ESRRG: variants seen among roughly 807,000 people sequenced by gnomAD.
ESRRG encodes estrogen-related receptor gamma.
ESRRG carries 13 observed loss-of-function variants against 44.0 expected under a neutral mutation model. The ratio of observed to expected loss-of-function variants is 0.30; its 90% CI spans 0.19 to 0.47. The LOEUF is 0.47. Ranked by LOEUF, ESRRG falls within the 20% of genes least tolerant of loss-of-function variation. The pLI is 1.00. For synonymous variants in ESRRG, 215 were observed against 214.6 expected, an observed-to-expected ratio of 1.00 and a Z score of -0.02; for missense variants, 395 against 580.6, an observed-to-expected ratio of 0.68 and a Z score of 3.29.
At chr1:217,066,484 A>T (rs1482465253) in intron 1 of ESRRG, among the ~76,000 whole-genome samples, 1 of 151,116 alleles carries the variant, frequency 6.6e-6, no homozygotes, top group African/African-American at 2.4e-5. Flanking sequence ...CTCGTGATCC[A>T]CCTGCCTCGG....
intron 1 of ESRRG, among the ~76,000 whole-genome samples, chr1:217,008,723 G>A (rs564289643): frequency 2.9e-4 from 44 of 152,306 alleles, no homozygotes; most frequent in South Asian, 8.3e-4. Context: ...AGGGACAGTG[G>A]CTCTTGATAT....
intron 1 of ESRRG, among the ~76,000 whole-genome samples, chr1:216,709,251 A>G (rs1217425859): frequency 6.6e-6 from 1 of 152,056 alleles, no homozygotes; most frequent in African/African-American, 2.4e-5. Flanking sequence ...CAATACATAT[A>G]CATGCAAAAA....
intron 1 of ESRRG, among the ~76,000 whole-genome samples, chr1:216,967,789 T>C (rs868048889): frequency 1.1e-4 from 17 of 152,292 alleles, no homozygotes; most frequent in African/African-American, 4.1e-4. Context: ...TAAGAGTGTG[T>C]TTAGTTTTGT....
At chr1:216,518,803 A>G (rs1385859555) in intron 6 of ESRRG, among the ~76,000 whole-genome samples, 2 of 152,196 alleles carry the variant, frequency 1.3e-5, no homozygotes, top group Non-Finnish European at 2.9e-5. Context: ...TGTATCAACA[A>G]TTCCCTTGTT....
In ESRRG at chr1:216,745,895, T is replaced by C. The variant is rs148045213; in HGVS notation, c.-13-68404A>G. ...TCATTCTGTAAATTGTAAAAAAGTATACAAATGTAATGTGGTGTTATTATT... is the reference window on the plus strand; with the variant it reads ...TCATTCTGTAAATTGTAAAAAAGTACACAAATGTAATGTGGTGTTATTATT... On this transcript the variant is annotated intron_variant, in intron 2 of 7. Coordinates refer to the ESRRG transcript ENST00000359162. Among the ~76,000 whole-genome samples the C allele has an allele frequency of 9.6e-4, 147 of 152,370 alleles. 1 individual carries two copies. Among genetic ancestry groups the C allele is most frequent in the African/African-American group, 3.2e-3 (132 of 41,592 alleles).
At chr1:216,722,204 C>A (rs2086489517) in intron 1 of ESRRG, among the ~76,000 whole-genome samples, 1 of 152,098 alleles carries the variant, frequency 6.6e-6, no homozygotes, top group Non-Finnish European at 1.5e-5. Context: ...AAATGTTTGC[C>A]AAGGGCACTC....
chr1:216,528,387 CTTATAT>C (rs1400889221), intron 5 of ESRRG, among the ~76,000 whole-genome samples: 1 of 152,138 alleles, frequency 6.6e-6, no homozygotes, highest in South Asian at 2.1e-4. Flanking sequence ...AGCTGCTTCT[CTTATAT>C]TTATAAGTAA....
intron 2 of ESRRG, among the ~76,000 whole-genome samples, chr1:216,861,484 T>C (rs1177281457): frequency 1.3e-5 from 2 of 152,072 alleles, no homozygotes; most frequent in African/African-American, 2.4e-5. Context: ...CTGCATCTCA[T>C]GTGTAATTAT....
intron 2 of ESRRG, among the ~76,000 whole-genome samples, chr1:216,759,271 C>T (rs1387366710): frequency 6.6e-6 from 1 of 152,118 alleles, no homozygotes; most frequent in Non-Finnish European, 1.5e-5. Context: ...TGCTCAGGCT[C>T]AGATAGCAAA....
At chr1:216,951,446 C>T (rs2066929901) in intron 1 of ESRRG, among the ~76,000 whole-genome samples, 1 of 152,108 alleles carries the variant, frequency 6.6e-6, no homozygotes, top group South Asian at 2.1e-4. Flanking sequence ...CATTTTTAAG[C>T]TGTCACTCAA....
chr1:216,746,421 A>C (rs1177120105), intron 2 of ESRRG, among the ~76,000 whole-genome samples: 1 of 152,172 alleles, frequency 6.6e-6, no homozygotes, highest in Admixed American at 6.6e-5. Context: ...GAAAAATATT[A>C]ATTTAATATA....
chr1:216,653,330 C>T (rs528531248), intron 2 of ESRRG, among the ~76,000 whole-genome samples: 1 of 152,174 alleles, frequency 6.6e-6, no homozygotes, highest in Non-Finnish European at 1.5e-5. Flanking sequence ...TGGCATACCG[C>T]TGTCATCTTC....
chr1:217,028,350 G>T (rs1338873355), intron 1 of ESRRG, among the ~76,000 whole-genome samples: 1 of 152,186 alleles, frequency 6.6e-6, no homozygotes, highest in Non-Finnish European at 1.5e-5. Flanking sequence ...AAGACTGAGA[G>T]AACCCACATT....
chr1:217,084,136 A>T (rs2091935705), intron 1 of ESRRG, among the ~76,000 whole-genome samples: 1 of 106,908 alleles, frequency 9.4e-6, no homozygotes, highest in South Asian at 2.6e-4. Context: ...AATGGATTAA[A>T]AAAAAAAAAA....
In ESRRG at chr1:216,504,415, T is replaced by C. The variant is rs887256271; in HGVS notation, c.*2524A>G. On this transcript the variant is annotated 3_prime_UTR_variant, in exon 7 of 7. Coordinates refer to ENST00000408911, the MANE Select transcript of ESRRG (RefSeq NM_001438.4). ...GCTATAAATTTCAAGTTATTGACCATCTGAATGAATTGCTAATGATGATTT... is the reference window on the plus strand; with the variant it reads ...GCTATAAATTTCAAGTTATTGACCACCTGAATGAATTGCTAATGATGATTT... The C allele has an allele frequency of 2.0e-5, 3 of 152,538 alleles. No homozygotes were observed. Among genetic ancestry groups the C allele is most frequent in the Admixed American group, 6.6e-5 (1 of 15,262 alleles). 9.4% of individuals were successfully genotyped at this position (152,538 alleles called of 1,614,324 possible).
chr1:216,739,006 G>A (rs2090332407), intron 2 of ESRRG, among the ~76,000 whole-genome samples: 1 of 152,066 alleles, frequency 6.6e-6, no homozygotes, highest in African/African-American at 2.4e-5. Context: ...ATGTCCCACT[G>A]CAACCAGCCC....
chr1:216,887,929 C>CT (rs1329516506), intron 2 of ESRRG, among the ~76,000 whole-genome samples: 2 of 152,022 alleles, frequency 1.3e-5, no homozygotes, highest in African/African-American at 4.8e-5. Flanking sequence ...CAGTGAAGTT[C>CT]TATTCACTTT....
At chr1:216,583,594 A>C (rs576172945) in intron 3 of ESRRG, among the ~76,000 whole-genome samples, 2 of 152,356 alleles carry the variant, frequency 1.3e-5, no homozygotes, top group South Asian at 4.1e-4. Flanking sequence ...CTCTGGCTGA[A>C]TAAATGAAAG....
At chr1:216,937,370 A>T (rs567874574) in intron 2 of ESRRG, among the ~76,000 whole-genome samples, 1 of 152,356 alleles carries the variant, frequency 6.6e-6, no homozygotes, top group East Asian at 1.9e-4. Flanking sequence ...CCCAGACTAC[A>T]TAAGATGGGT....
Sources: gnomAD v4.1 joint callset for allele counts (sites outside exome capture counted in the v4.1 genomes callset) on GRCh38, gnomAD v4.1.1 for gene constraint, MANE v1.5 for transcripts, NCBI Gene and HGNC (gene_info 2026-07-23, HGNC 2026-07-21) for gene names.